Variants in CHMP5 observed in about 807,000 individuals in gnomAD.
CHMP5 encodes the protein SNF7 domain containing 2.
Under a neutral mutation model 33.0 loss-of-function variants are expected in CHMP5, and 17 were observed. The ratio of observed to expected loss-of-function variants is 0.52; its 90% CI spans 0.35 to 0.77. The LOEUF is 0.77. Ranked by LOEUF, CHMP5 falls within the 30% of genes least tolerant of loss-of-function variation. The probability of loss-of-function intolerance (pLI) is 0.01; values close to 1 mark genes in which losing one functional copy is unlikely to be tolerated. For synonymous variants in CHMP5, 76 were observed against 90.2 expected, an observed-to-expected ratio of 0.84 and a Z score of 0.89; for missense variants, 216 against 261.5, an observed-to-expected ratio of 0.83 and a Z score of 1.20.
chr9:33,272,245 C>G (rs936787260), intron 5 of CHMP5, among the ~76,000 whole-genome samples: 1 of 152,032 alleles, frequency 6.6e-6, no homozygotes. Flanking sequence ...ACCTTTACCC[C>G]CCTGACTAGA....
intron 4 of CHMP5, among the ~76,000 whole-genome samples, chr9:33,270,951 G>A (rs531715555): frequency 2.0e-5 from 3 of 152,112 alleles, no homozygotes; most frequent in South Asian, 4.1e-4. Context: ...GTGTGGTGGC[G>A]TGCACCTGTA....
intron 5 of CHMP5, among the ~76,000 whole-genome samples, chr9:33,276,148 G>C (rs1485663807): frequency 6.6e-6 from 1 of 152,166 alleles, no homozygotes; most frequent in Non-Finnish European, 1.5e-5. Context: ...AGGTCTTTGG[G>C]CTTATGGTTT....
intron 6 of CHMP5, among the ~76,000 whole-genome samples, chr9:33,277,311 T>C (rs778228837): frequency 1.3e-4 from 19 of 151,910 alleles, no homozygotes; most frequent in Admixed American, 4.6e-4. Flanking sequence ...GCCCCTACAT[T>C]CATGAACCTT....
rs1820720512 is a variant in CHMP5 at position 33,266,194 on chromosome 9, TG to T, written c.174+83del. The T allele has an allele frequency of 7.0e-6, 6 of 858,422 alleles. No individual in the cohort carries two copies. The South Asian group carries it at 8.7e-5, about 12-fold the overall frequency. The allele number at this position is 858,422 out of a possible 1,614,324, so 53.2% of individuals were successfully genotyped here. A position where few individuals can be genotyped will look rare whatever the true frequency, so the allele number is the denominator to read the frequency against. ...CTATAGAAATAGGGCCTAGTTCGGC[TG>T]GGCGCAGTGGCTCATGCATGTAATC... On this transcript the variant is annotated intron_variant, in intron 2 of 7. Coordinates refer to ENST00000223500, the MANE Select transcript of CHMP5 (RefSeq NM_016410.6).
chr9:33,266,079 G>A lies in CHMP5; in HGVS notation c.139G>A (p.Asp47Asn), dbSNP rs1243924870. 6.2e-7 allele frequency: 1 copy of A among 1,613,294 alleles called. No individual in the cohort carries two copies. Among genetic ancestry groups the A allele is most frequent in the South Asian group, 1.1e-5 (1 of 91,050 alleles). ...GGATGCTGAGCTAGTGAAGTATAAG[G>A]ATCAGATCAAGAAGATGAGAGAGGG... ...RLDAELVKYK[D>N]QIKKMREGPA... Residue 47 changes from aspartate (D) to asparagine (N), a missense_variant, in exon 2 of 8, where the codon GAT (aspartate) becomes AAT (asparagine). Physicochemically the swap from Asp to Asn is conservative, Grantham distance 23 (BLOSUM62 1). Coordinates refer to ENST00000223500, the MANE Select transcript of CHMP5 (RefSeq NM_016410.6).
In CHMP5 at chr9:33,278,152, A is replaced by G; in HGVS notation, c.536A>G (p.Asp179Gly). The G allele has an allele frequency of 6.2e-7, 1 of 1,613,290 alleles. No individual in the cohort carries two copies. Among genetic ancestry groups the G allele is most frequent in the Non-Finnish European group, 8.5e-7 (1 of 1,179,594 alleles). ...GGTGATGAGCTTCTGGCTGATGAAG[A>G]CAGTTCTTATTTGGATGAGGCAGCA... ...ALGDELLADE[D>G]SSYLDEAASA... The change falls in exon 7 of 8, where the codon GAC becomes GGC. Residue 179 changes from aspartate to glycine, a missense_variant. Asp to Gly is a moderately conservative substitution (Grantham distance 94, BLOSUM62 -1). Coordinates refer to ENST00000223500, the MANE Select transcript of CHMP5 (RefSeq NM_016410.6).
chr9:33,279,192 T>C (rs561454877), intron 7 of CHMP5, among the ~76,000 whole-genome samples: 1 of 152,348 alleles, frequency 6.6e-6, no homozygotes, highest in Non-Finnish European at 1.5e-5. Flanking sequence ...TCCAAAGTGC[T>C]GGGATTACAG....
rs781112815 is a variant in CHMP5 at position 33,265,167 on chromosome 9, T to A, written c.69+20T>A. 6.2e-7 allele frequency: 1 copy of A among 1,613,400 alleles called. No individual in the cohort carries two copies. Among genetic ancestry groups the A allele is most frequent in the Non-Finnish European group, 8.5e-7 (1 of 1,179,486 alleles). ...GGCACGGTGGGCATTTGATCATGCATAAGTAGGCTCAGGACCTCTGACACA... is the reference window on the plus strand; with the variant it reads ...GGCACGGTGGGCATTTGATCATGCAAAAGTAGGCTCAGGACCTCTGACACA... On this transcript the variant is annotated intron_variant, in intron 1 of 7. Coordinates refer to ENST00000223500, the MANE Select transcript of CHMP5 (RefSeq NM_016410.6).
chr9:33,279,203 G>C (rs1463362564), intron 7 of CHMP5, among the ~76,000 whole-genome samples: 4 of 152,164 alleles, frequency 2.6e-5, no homozygotes, highest in Non-Finnish European at 5.9e-5. Flanking sequence ...GGGATTACAG[G>C]CATGAGCCAC....
chr9:33,269,388 C>T (rs1587797215), intron 3 of CHMP5, among the ~76,000 whole-genome samples: 1 of 152,146 alleles, frequency 6.6e-6, no homozygotes, highest in East Asian at 1.9e-4. Flanking sequence ...CTTGTAATCC[C>T]ACCTACTTGG....
Position 33,270,673 on chromosome 9 carries a change from A to G in CHMP5, c.272A>G (p.Gln91Arg). 1 of 1,614,204 alleles carries G rather than the reference A, an allele frequency of 6.2e-7. No individual in the cohort carries two copies. The highest frequency in any genetic ancestry group is 8.5e-7 in the Non-Finnish European group (1 of 1,180,016). Residue 91 changes from glutamine (Q) to arginine (R), a missense_variant, in exon 4 of 8, where the codon CAA becomes CGA. Transcript: ENST00000223500. ...NLAQQSFNME[Q>R]ANYTIQSLKD... ...GCCCAACAGTCATTCAACATGGAAC[A>G]AGCCAATTATACCATCCAGTCTTTG...
At position 33,271,946 on chromosome 9, in the gene CHMP5, GT is replaced by G. The variant is rs377165262; in HGVS notation, c.387+724del. 7.9e-5 allele frequency among the ~76,000 whole-genome samples: 12 copies of G among 152,322 alleles called. No individual in the cohort carries two copies. The East Asian group carries it at 2.3e-3, about 29-fold the overall frequency. On this transcript the variant is annotated intron_variant, in intron 5 of 7. Coordinates refer to ENST00000223500, the MANE Select transcript of CHMP5 (RefSeq NM_016410.6). ...GGATTGTCATGAGTGTTAAATGAAG[GT>G]ATGTAGGTAAAGTGTATGTAAAATG...
intron 6 of CHMP5, among the ~76,000 whole-genome samples, chr9:33,277,190 C>CAA (rs59657807): frequency 0.028 from 1,503 of 53,054 alleles, 74 homozygotes; most frequent in African/African-American, 0.085. Context: ...GACCTTCTCT[C>CAA]AAAAAAAAAA....
At position 33,275,348 on chromosome 9, in the gene CHMP5, T is replaced by G. The variant is rs562330333; in HGVS notation, c.388-1108T>G. On this transcript the variant is annotated intron_variant, in intron 5 of 7. Transcript: ENST00000223500. ...ATCTCCCAGTTAAGCACAGGTAGAT[T>G]ATTCACACAGGGTTTATGCCCTTGG... Among the ~76,000 whole-genome samples the G allele has an allele frequency of 2.6e-4, 40 of 152,190 alleles. No individual in the cohort carries two copies. The South Asian group carries it at 8.1e-3, about 31-fold the overall frequency.
chr9:33,280,283 T>G (rs568558674), intron 7 of CHMP5, among the ~76,000 whole-genome samples: 19 of 152,318 alleles, frequency 1.2e-4, no homozygotes, highest in African/African-American at 4.3e-4. Flanking sequence ...GGCCTGTTGT[T>G]GTTTTTAAAG....
At chr9:33,276,398 A>G in intron 5 of CHMP5, 58 bp from the exon 6 acceptor site, 1 of 897,194 alleles carries the variant, frequency 1.1e-6, no homozygotes, top group African/African-American at 1.7e-5. Flanking sequence ...GTAGGGGAAA[A>G]GGGTAGTTAA....
intron 7 of CHMP5, among the ~76,000 whole-genome samples, chr9:33,280,519 C>T (rs1038588818): frequency 2.0e-5 from 3 of 152,174 alleles, no homozygotes; most frequent in African/African-American, 7.2e-5. Context: ...TTTTGACTCT[C>T]CCAGCCTCCT....
intron 3 of CHMP5, among the ~76,000 whole-genome samples, chr9:33,269,517 GTAAA>G (rs1439342287): frequency 1.3e-5 from 2 of 151,578 alleles, no homozygotes; most frequent in Non-Finnish European, 2.9e-5. Context: ...AAATAAATAA[GTAAA>G]TAAATAAACA....
chr9:33,278,479 G>A lies in CHMP5; in HGVS notation c.609+254G>A, dbSNP rs148638686. Among the ~76,000 whole-genome samples, 219 of 152,326 alleles carry A rather than the reference G, an allele frequency of 1.4e-3. 1 individual carries two copies. Among genetic ancestry groups the A allele is most frequent in the African/African-American group, 5.1e-3 (212 of 41,570 alleles). On this transcript the variant is annotated intron_variant, in intron 7 of 7. Transcript: ENST00000223500. ...TAACATACATGATCACCCTTGTTGT[G>A]AGCTGGCACTGGGTACCATTGATGG...
Sources: allele counts gnomAD v4.1 joint callset (sites outside exome capture counted in the v4.1 genomes callset), GRCh38; gene constraint gnomAD v4.1.1; transcripts MANE v1.5; gene names NCBI Gene and HGNC (gene_info 2026-07-23, HGNC 2026-07-21).